The following RPS6KA5 variants were observed in gnomAD, a reference collection of about 807,000 sequenced individuals.
RPS6KA5 encodes the protein ribosomal protein S6 kinase alpha-5.
In RPS6KA5, 27 loss-of-function variants were observed where a neutral mutation model predicts 85.5. The observed-to-expected ratio is 0.32, with a 90% CI of 0.23 to 0.44. RPS6KA5 has a LOEUF of 0.44. Among genes scored for constraint, RPS6KA5 ranks in the 20% least tolerant of loss-of-function variants. RPS6KA5 has a pLI of 1.00. For missense variants in RPS6KA5, 811 were observed against 980.9 expected (o/e 0.83, Z 2.31); for synonymous variants, 334 against 348.2 (o/e 0.96, Z 0.46).
At chr14:90,954,590 T>C (rs963128710) in intron 3 of RPS6KA5, among the ~76,000 whole-genome samples, 1 of 152,122 alleles carries the variant, frequency 6.6e-6, no homozygotes, top group African/African-American at 2.4e-5. Context: ...ATTTTTGTAT[T>C]TTTAGTAGAC....
intron 1 of RPS6KA5, among the ~76,000 whole-genome samples, chr14:91,055,433 G>C (rs1049779534): frequency 5.9e-5 from 9 of 152,132 alleles, no homozygotes; most frequent in Non-Finnish European, 1.2e-4. Context: ...CTATACAATG[G>C]AACACAATTT....
chr14:91,004,586 T>C (rs2040928953), intron 1 of RPS6KA5, among the ~76,000 whole-genome samples: 1 of 152,184 alleles, frequency 6.6e-6, no homozygotes, highest in South Asian at 2.1e-4. Flanking sequence ...CCAACTTACA[T>C]ACAATAAAAT....
At chr14:91,048,256 AATGAT>A (rs939019992) in intron 1 of RPS6KA5, among the ~76,000 whole-genome samples, 1 of 152,190 alleles carries the variant, frequency 6.6e-6, no homozygotes, top group African/African-American at 2.4e-5. Flanking sequence ...TACAAGAATT[AATGAT>A]ATAATTATTT....
chr14:90,943,615 A>ATGTT (rs761202331), intron 4 of RPS6KA5, among the ~76,000 whole-genome samples: 12 of 152,074 alleles, frequency 7.9e-5, no homozygotes, highest in Non-Finnish European at 1.3e-4. Flanking sequence ...TACAACACCT[A>ATGTT]TGTTTACATT....
chr14:90,991,789 T>C (rs1302126851), intron 2 of RPS6KA5, among the ~76,000 whole-genome samples: 1 of 151,800 alleles, frequency 6.6e-6, no homozygotes, highest in Non-Finnish European at 1.5e-5. Flanking sequence ...TTTAAAAGTT[T>C]CTAGCTCAGA....
At chr14:90,907,108 G>T (rs953754801) in intron 7 of RPS6KA5, among the ~76,000 whole-genome samples, 4 of 152,138 alleles carry the variant, frequency 2.6e-5, no homozygotes, top group Admixed American at 6.5e-5. Flanking sequence ...CAATAATTTA[G>T]TAAGAAATAT....
At chr14:91,036,099 G>GC (rs1473191576) in intron 1 of RPS6KA5, among the ~76,000 whole-genome samples, 1 of 36,728 alleles carries the variant, frequency 2.7e-5, no homozygotes, top group Non-Finnish European at 7.4e-5. Flanking sequence ...AATAGACTGT[G>GC]GGGGGTGCAA....
At chr14:90,900,300 A>G in intron 10 of RPS6KA5, 59 bp from the exon 11 acceptor site, 1 of 1,261,646 alleles carries the variant, frequency 7.9e-7, no homozygotes, top group Non-Finnish European at 1.1e-6. Flanking sequence ...CAAAGGATCA[A>G]TAAAATTGTA....
chr14:91,005,344 G>C (rs533892133), intron 1 of RPS6KA5, among the ~76,000 whole-genome samples: 1 of 152,342 alleles, frequency 6.6e-6, no homozygotes, highest in African/African-American at 2.4e-5. Flanking sequence ...TTTAAAAGGT[G>C]ATATGATATA....
intron 8 of RPS6KA5, 90 bp from the exon 9 acceptor site, chr14:90,903,059 T>G (rs1355542972): frequency 2.8e-6 from 3 of 1,088,158 alleles, no homozygotes; most frequent in Non-Finnish European, 4.0e-6. Flanking sequence ...TTTTGACTGG[T>G]AGGGAGAGAG....
intron 1 of RPS6KA5, among the ~76,000 whole-genome samples, chr14:91,025,150 T>G (rs1440702161): frequency 6.6e-6 from 1 of 152,066 alleles, no homozygotes; most frequent in African/African-American, 2.4e-5. Flanking sequence ...GTTCAAGCAA[T>G]TCTCCTGTCT....
At chr14:90,873,823 G>A (rs776762292) in intron 15 of RPS6KA5, 28 bp from the exon 16 acceptor site, 1 of 1,590,912 alleles carries the variant, frequency 6.3e-7, no homozygotes, top group Non-Finnish European at 8.6e-7. Context: ...TTTATTTTAT[G>A]ATTTGTCATT....
chr14:90,902,559 A>T (rs2035232923), intron 9 of RPS6KA5, among the ~76,000 whole-genome samples: 2 of 152,374 alleles, frequency 1.3e-5, no homozygotes, highest in African/African-American at 2.4e-5. Flanking sequence ...GAATCTGAAC[A>T]AAAATAAAAT....
chr14:90,889,831 T>G (rs2034455119), intron 14 of RPS6KA5, among the ~76,000 whole-genome samples: 1 of 152,202 alleles, frequency 6.6e-6, no homozygotes, highest in Admixed American at 6.6e-5. Context: ...GGTATATCAC[T>G]TCTCAATGTG....
At position 90,860,766 on chromosome 14, in the gene RPS6KA5, AT is replaced by A. The variant is rs1336398329; in HGVS notation, c.*11307del. ...TCATTGTCAGAAGACTGGCACTAAA[AT>A]AAATACTAAAGAGAATTCTCCAGAT... On this transcript the variant is annotated 3_prime_UTR_variant, in exon 17 of 17. Coordinates refer to ENST00000614987, the MANE Select transcript of RPS6KA5 (RefSeq NM_004755.4). 2 of 152,196 alleles carry A rather than the reference AT, an allele frequency of 1.3e-5. No homozygotes were observed. Among genetic ancestry groups the A allele is most frequent in the Non-Finnish European group, 2.9e-5 (2 of 68,028 alleles). The allele number at this position is 152,196 out of a possible 1,614,324, so 9.4% of individuals were successfully genotyped here.
intron 1 of RPS6KA5, among the ~76,000 whole-genome samples, chr14:91,050,412 T>A (rs2043027689): frequency 6.6e-6 from 1 of 151,350 alleles, no homozygotes; most frequent in African/African-American, 2.5e-5. Context: ...AAACAAAGCA[T>A]CTTATTGGCT....
In RPS6KA5 at chr14:91,060,540, G is replaced by C; in HGVS notation, c.-106C>G. ...GCCGCGGCCCCAGGAGTCGGGGTGC[G>C]GCGGCTCCAGAACTCGGACGCAAAG... On this transcript the variant is annotated 5_prime_UTR_variant, in exon 1 of 17. Coordinates refer to ENST00000614987, the MANE Select transcript of RPS6KA5 (RefSeq NM_004755.4). 1.6e-6 allele frequency: 2 copies of C among 1,215,408 alleles called. No individual in the cohort carries two copies. The highest frequency in any genetic ancestry group is 7.0e-5 in the South Asian group (2 of 28,468). 75.3% of individuals were successfully genotyped at this position (1,215,408 alleles called of 1,614,324 possible).
intron 1 of RPS6KA5, among the ~76,000 whole-genome samples, chr14:91,035,503 C>T (rs2139860170): frequency 6.6e-6 from 1 of 152,104 alleles, no homozygotes; most frequent in Admixed American, 6.5e-5. Flanking sequence ...AAGCACCAGC[C>T]AGGAAACAGG....
intron 7 of RPS6KA5, among the ~76,000 whole-genome samples, chr14:90,918,231 A>AGT (rs1466836545): frequency 2.0e-5 from 3 of 152,068 alleles, no homozygotes; most frequent in African/African-American, 4.8e-5. Flanking sequence ...ATACTAGTTG[A>AGT]ATATATAGTG....
Sources: allele counts gnomAD v4.1 joint callset (sites outside exome capture counted in the v4.1 genomes callset), GRCh38; gene constraint gnomAD v4.1.1; transcripts MANE v1.5; gene names NCBI Gene and HGNC (gene_info 2026-07-23, HGNC 2026-07-21).